Variants in CZIB observed in about 807,000 individuals in gnomAD.
The protein encoded by CZIB is CXXC motif containing zinc binding protein.
In CZIB, 26 loss-of-function variants were observed where a neutral mutation model predicts 28.3. That is an observed-to-expected ratio of 0.92 (90% CI 0.67 to 1.27). The LOEUF (loss-of-function observed/expected upper bound fraction) is 1.27. Among genes scored for constraint, CZIB ranks in the 50% most tolerant of loss-of-function variants. CZIB has a pLI of 0.00. For synonymous variants in CZIB, 78 were observed against 71.1 expected (o/e 1.10, Z -0.49); for missense variants, 179 against 197.3 (o/e 0.91, Z 0.56).
At chr1:53,220,151 A>G (rs1240296000) in intron 2 of CZIB, 110 bp downstream of exon 2, 2 of 950,024 alleles carry the variant, frequency 2.1e-6, no homozygotes, top group Non-Finnish European at 1.6e-6. Flanking sequence ...AAAACCCCGA[A>G]CACTTAATGT....
intron 6 of CZIB, 30 bp downstream of exon 6, chr1:53,216,752 C>T: frequency 6.2e-7 from 1 of 1,607,156 alleles, no homozygotes; most frequent in Non-Finnish European, 8.5e-7. Context: ...TCCCCAAAGA[C>T]AAAGATTCCC....
chr1:53,218,848 T>C lies in CZIB; in HGVS notation c.147+19A>G. 2 of 1,599,218 alleles carry C rather than the reference T, an allele frequency of 1.3e-6. No homozygotes were observed. Among genetic ancestry groups the C allele is most frequent in the Non-Finnish European group, 1.7e-6 (2 of 1,166,972 alleles). ...TGTTTGTGAGTGTTTATGTTGGGGGTTGGGCGGGGAACAGTTACCATCAGC... is the reference window on the plus strand; with the variant it reads ...TGTTTGTGAGTGTTTATGTTGGGGGCTGGGCGGGGAACAGTTACCATCAGC... On this transcript the variant is annotated intron_variant, in intron 3 of 7. Coordinates refer to ENST00000294360, the MANE Select transcript of CZIB (RefSeq NM_017887.3).
At chr1:53,214,939 G>A (rs1427484004) in intron 7 of CZIB, among the ~76,000 whole-genome samples, 2 of 152,092 alleles carry the variant, frequency 1.3e-5, no homozygotes, top group Non-Finnish European at 2.9e-5. Context: ...TAACTTCTCT[G>A]AGTCCCTTCT....
rs966545633 is a variant in CZIB at position 53,214,280 on chromosome 1, G to C, written c.*379C>G. On this transcript the variant is annotated 3_prime_UTR_variant, in exon 8 of 8. Transcript: ENST00000294360. ...GCAAGTTCAGTAAGTTCAGGTAACA[G>C]TACGTCACCATTGGCTTCTGGCTCA... is the stretch of plus-strand genomic sequence containing the variant. 38 of 200,346 alleles carry C rather than the reference G, an allele frequency of 1.9e-4. No individual in the cohort carries two copies. The highest frequency in any genetic ancestry group is 2.0e-3 in the Middle Eastern group (1 of 488). 12.4% of individuals were successfully genotyped at this position (200,346 alleles called of 1,614,324 possible). A position where few individuals can be genotyped will look rare whatever the true frequency, so the allele number is the denominator to read the frequency against.
At position 53,214,674 on chromosome 1, in the gene CZIB, C is replaced by T. The variant is rs1645457379; in HGVS notation, c.468G>A (p.Gln156=). ...GGAAGAGGGATCAGCACTTCACAAA[C>T]TGGTGGGTGACCTCATAGATTCCCA... The part of the protein sequence containing the change: ...ESVGIYEVTH[Q]FVKC The change falls in exon 8 of 8, where the codon CAG becomes CAA. Residue 156 remains glutamine (Q), a synonymous_variant. Coordinates refer to ENST00000294360, the MANE Select transcript of CZIB (RefSeq NM_017887.3). 1 of 1,614,126 alleles carries T rather than the reference C, an allele frequency of 6.2e-7. No individual in the cohort carries two copies. Among genetic ancestry groups the T allele is most frequent in the Non-Finnish European group, 8.5e-7 (1 of 1,180,018 alleles).
chr1:53,214,435 G>A lies in CZIB; in HGVS notation c.*224C>T, dbSNP rs1388534263. The A allele has an allele frequency of 8.0e-6, 4 of 498,322 alleles. No homozygotes were observed. In the Admixed American group the frequency reaches 1.3e-4, roughly 16 times the overall value. 30.9% of individuals were successfully genotyped at this position (498,322 alleles called of 1,614,324 possible). ...TGCTGCACGAATTCTTATTTGTGGA[G>A]GGAGTAGCTGCCTCCTTACTTCACC... On this transcript the variant is annotated 3_prime_UTR_variant, in exon 8 of 8. Transcript: ENST00000294360.
In CZIB at chr1:53,214,472, G is replaced by A. The variant is rs1306630868; in HGVS notation, c.*187C>T. 3.5e-6 allele frequency: 2 copies of A among 576,620 alleles called. No individual in the cohort carries two copies. Among genetic ancestry groups the A allele is most frequent in the Non-Finnish European group, 6.2e-6 (2 of 322,674 alleles). 35.7% of individuals were successfully genotyped at this position (576,620 alleles called of 1,614,324 possible). A position where few individuals can be genotyped will look rare whatever the true frequency, so the allele number is the denominator to read the frequency against. On this transcript the variant is annotated 3_prime_UTR_variant, in exon 8 of 8. Transcript: ENST00000294360. ...CTCCTTACTTCACCTTCATGCACCAGTGCAGCGTGAACAGGGGCTTTATTG... is the reference window on the plus strand; with the variant it reads ...CTCCTTACTTCACCTTCATGCACCAATGCAGCGTGAACAGGGGCTTTATTG...
intron 7 of CZIB, 135 bp downstream of exon 7, chr1:53,215,856 C>T: frequency 1.2e-6 from 1 of 826,354 alleles, no homozygotes; most frequent in South Asian, 1.5e-5. Flanking sequence ...ATACCTGTGG[C>T]CATTTCAACA....
chr1:53,220,455 C>T lies in CZIB; in HGVS notation c.7-111G>A, dbSNP rs1166570121. The T allele has an allele frequency of 5.1e-5, 81 of 1,578,738 alleles. No homozygotes were observed. The Admixed American group carries it at 7.2e-4, about 14-fold the overall frequency. ...TGCCACAGGGAGACACTCCTTCTGC[C>T]TCCTGCTCCTTCAGCGCGCACCCAC... On this transcript the variant is annotated intron_variant, in intron 1 of 7. Transcript: ENST00000294360.
At position 53,218,857 on chromosome 1, in the gene CZIB, G is replaced by GA. The variant is rs1557722830; in HGVS notation, c.147+9dup. On this transcript the variant is annotated intron_variant, in intron 3 of 7. Transcript: ENST00000294360. ...GTGTTTATGTTGGGGGTTGGGCGGG[G>GA]AACAGTTACCATCAGCCGGATGTAC... 1 of 1,610,530 alleles carries GA rather than the reference G, an allele frequency of 6.2e-7. No homozygotes were observed. The highest frequency in any genetic ancestry group is 1.3e-5 in the African/African-American group (1 of 74,748).
chr1:53,219,121 C>T (rs1645495198), intron 2 of CZIB, 198 bp from the exon 3 acceptor site: 2 of 597,854 alleles, frequency 3.3e-6, no homozygotes. Context: ...GTTTCCTATG[C>T]CGGCGTGCCC....
chr1:53,220,461 C>T (rs2100292283), intron 1 of CZIB, 109 bp downstream of exon 1: 4 of 1,579,720 alleles, frequency 2.5e-6, no homozygotes, highest in East Asian at 4.5e-5. Context: ...CTGCCTCCTG[C>T]TCCTTCAGCG....
In CZIB at chr1:53,220,349, G is replaced by T. The variant is rs748257393; in HGVS notation, c.7-5C>A. 2 of 1,612,030 alleles carry T rather than the reference G, an allele frequency of 1.2e-6. No individual in the cohort carries two copies. The highest frequency in any genetic ancestry group is 8.5e-7 in the Non-Finnish European group (1 of 1,179,830). On this transcript the variant is annotated splice_region_variant and splice_polypyrimidine_tract_variant and intron_variant, in intron 1 of 7. Transcript: ENST00000294360. ...TTTGAGTTGCAGCGCGATTTTCTGA[G>T]GGGGAGGGCCAGAGCGACTGCGTCA... is the stretch of plus-strand genomic sequence containing the variant.
chr1:53,220,315 C>T lies in CZIB; in HGVS notation c.36G>A (p.Leu12=), dbSNP rs565854669. Residue 12 remains leucine (L), a synonymous_variant, in exon 2 of 8, where the codon CTG becomes CTA. Coordinates refer to ENST00000294360, the MANE Select transcript of CZIB (RefSeq NM_017887.3). ...CGGGCCGGAGGTTGGTGATGTTCTCCAGCGTGGCTTTGAGTTGCAGCGCGA... is the reference window on the plus strand; with the variant it reads ...CGGGCCGGAGGTTGGTGATGTTCTCTAGCGTGGCTTTGAGTTGCAGCGCGA... ...GKIALQLKAT[L]ENITNLRPVG... 3.7e-6 allele frequency: 6 copies of T among 1,613,578 alleles called. No homozygotes were observed. In the South Asian group the frequency reaches 5.5e-5, roughly 15 times the overall value.
intron 5 of CZIB, 117 bp from the exon 6 acceptor site, chr1:53,216,976 C>G (rs1488705550): frequency 3.5e-6 from 3 of 847,844 alleles, no homozygotes; most frequent in Non-Finnish European, 5.9e-6. Flanking sequence ...GTATGAGACC[C>G]AGGAAGAACT....
rs1456535351 is a variant in CZIB at position 53,220,298 on chromosome 1, AG to A, written c.52del (p.Leu18SerfsTer12). The A allele has an allele frequency of 6.2e-7, 1 of 1,613,230 alleles. No homozygotes were observed. The highest frequency in any genetic ancestry group is 1.3e-5 in the African/African-American group (1 of 74,824). ...LKATLENITN[L>X]RPVGEDFRWY... is the part of the protein sequence containing the mutation. ...CCGGAAGTCCTCGCCCACGGGCCGG[AG>A]GTTGGTGATGTTCTCCAGCGTGGCT... On this transcript the variant is annotated frameshift_variant, in exon 2 of 8. Transcript: ENST00000294360. LOFTEE classifies it high-confidence loss of function.
chr1:53,216,092 A>G (rs1645470765), intron 6 of CZIB, 36 bp from the exon 7 acceptor site: 1 of 1,609,496 alleles, frequency 6.2e-7, no homozygotes, highest in African/African-American at 1.3e-5. Context: ...TAGTCTTGGC[A>G]AAAGAAGGCA....
chr1:53,220,268 T>C lies in CZIB; in HGVS notation c.83A>G (p.Tyr28Cys), dbSNP rs1557723632. ...LRPVGEDFRWYLKMKCGNCGE... is the reference protein window; with the variant it reads ...LRPVGEDFRWCLKMKCGNCGE... Reference sequence around the variant, plus strand: ...GCCCCGCCCCGGCCGCACCTTCAGGTACCACCGGAAGTCCTCGCCCACGGG... The same window carrying C: ...GCCCCGCCCCGGCCGCACCTTCAGGCACCACCGGAAGTCCTCGCCCACGGG... Residue 28 changes from tyrosine to cysteine, a missense_variant, in exon 2 of 8, where the codon TAC (tyrosine) becomes TGC (cysteine). Physicochemically the swap from Tyr to Cys is radical, Grantham distance 194 (BLOSUM62 -2). Transcript: ENST00000294360. The C allele has an allele frequency of 6.2e-7, 1 of 1,613,328 alleles. No homozygotes were observed.
At chr1:53,215,707 T>C (rs1333510230) in intron 7 of CZIB, among the ~76,000 whole-genome samples, 1 of 152,232 alleles carries the variant, frequency 6.6e-6, no homozygotes, top group Non-Finnish European at 1.5e-5. Flanking sequence ...ACTTATTTAA[T>C]ATATATTGTT....
Sources: gnomAD v4.1 joint callset for allele counts (sites outside exome capture counted in the v4.1 genomes callset) on GRCh38, gnomAD v4.1.1 for gene constraint, MANE v1.5 for transcripts, NCBI Gene and HGNC (gene_info 2026-07-23, HGNC 2026-07-21) for gene names.